The following PDE1C variants were observed in gnomAD, a reference collection of about 807,000 sequenced individuals.
PDE1C encodes dual specificity calcium/calmodulin-dependent 3',5'-cyclic nucleotide phosphodiesterase 1C.
PDE1C carries 62 observed loss-of-function variants against 93.1 expected under a neutral mutation model. The observed-to-expected ratio is 0.67, with a 90% confidence interval of 0.54 to 0.82. The LOEUF (loss-of-function observed/expected upper bound fraction) is 0.82, where lower values mean the gene tolerates loss of function less well. Among genes scored for constraint, PDE1C ranks in the 40% least tolerant of loss-of-function variants. PDE1C has a pLI of 0.00. For synonymous variants in PDE1C, 325 were observed against 310.1 expected (o/e 1.05, Z -0.50); for missense variants, 742 against 884.6 (o/e 0.84, Z 2.04).
At chr7:31,734,069 AC>A in the PDE1C span, among the ~76,000 whole-genome samples, 1 of 151,872 alleles carries the variant, frequency 6.6e-6, no homozygotes, top group Non-Finnish European at 1.5e-5. Context: ...TAATAAAACT[AC>A]CCCTCCCCCA....
intron 1 of PDE1C, among the ~76,000 whole-genome samples, chr7:32,397,856 T>TAAA (rs1410558632): frequency 7.1e-6 from 1 of 141,664 alleles, no homozygotes; most frequent in African/African-American, 2.9e-5. Flanking sequence ...CTACTAAAGA[T>TAAA]ACAAAAAAAA....
chr7:31,848,898 T>G (rs778814423), intron 8 of PDE1C, among the ~76,000 whole-genome samples: 2 of 152,184 alleles, frequency 1.3e-5, no homozygotes, highest in Admixed American at 1.3e-4. Flanking sequence ...TTGGGCTGTA[T>G]CTATCATACC....
the PDE1C span, among the ~76,000 whole-genome samples, chr7:31,681,265 A>G: frequency 6.6e-6 from 1 of 152,154 alleles, no homozygotes. Flanking sequence ...GGACTTTGAA[A>G]TTATGGTGGT....
At chr7:31,719,188 C>T in the PDE1C span, among the ~76,000 whole-genome samples, 3 of 152,174 alleles carry the variant, frequency 2.0e-5, no homozygotes, top group East Asian at 5.8e-4. Flanking sequence ...AGAATGCTTC[C>T]TGAAGGTAGC....
At chr7:32,355,389 T>C (rs1256837793) in intron 1 of PDE1C, among the ~76,000 whole-genome samples, 1 of 152,090 alleles carries the variant, frequency 6.6e-6, no homozygotes, top group Non-Finnish European at 1.5e-5. Flanking sequence ...ACTCCAAACA[T>C]CCACTGCAGC....
intron 2 of PDE1C, among the ~76,000 whole-genome samples, chr7:31,926,409 A>G (rs1471072770): frequency 6.6e-6 from 1 of 152,252 alleles, no homozygotes; most frequent in East Asian, 1.9e-4. Context: ...ATATAAGTGC[A>G]TTAAATATGT....
chr7:31,920,926 C>T (rs1388001459), intron 2 of PDE1C, among the ~76,000 whole-genome samples: 1 of 152,210 alleles, frequency 6.6e-6, no homozygotes, highest in Non-Finnish European at 1.5e-5. Context: ...TGATTTCTTA[C>T]CACCATTCAT....
At chr7:31,619,852 G>A in the PDE1C span, among the ~76,000 whole-genome samples, 1 of 152,166 alleles carries the variant, frequency 6.6e-6, no homozygotes, top group South Asian at 2.1e-4. Flanking sequence ...CCCTTTCCTA[G>A]TCAAAGAAAG....
intron 2 of PDE1C, among the ~76,000 whole-genome samples, chr7:32,020,281 T>G (rs1299033780): frequency 6.6e-6 from 1 of 152,136 alleles, no homozygotes; most frequent in Non-Finnish European, 1.5e-5. Context: ...AGGACTTTCC[T>G]GGGCACTGGG....
At chr7:32,225,019 A>G (rs972360863) in intron 1 of PDE1C, among the ~76,000 whole-genome samples, 129 of 126,882 alleles carry the variant, frequency 1.0e-3, no homozygotes, top group African/African-American at 3.3e-3. Context: ...CACCTTTCTT[A>G]TTTAAAAAAA....
the PDE1C span, among the ~76,000 whole-genome samples, chr7:31,631,595 G>A: frequency 3.9e-5 from 6 of 152,034 alleles, no homozygotes; most frequent in South Asian, 8.3e-4. Context: ...TTACAGAAGC[G>A]GATTTTTCTT....
At chr7:31,778,192 C>T (rs1400647727) in intron 16 of PDE1C, among the ~76,000 whole-genome samples, 1 of 152,168 alleles carries the variant, frequency 6.6e-6, no homozygotes, top group African/African-American at 2.4e-5. Context: ...AGTGCTGCCA[C>T]AATGCACAAC....
At chr7:31,968,436 A>C (rs1314742990) in intron 2 of PDE1C, among the ~76,000 whole-genome samples, 6 of 152,050 alleles carry the variant, frequency 3.9e-5, no homozygotes, top group Admixed American at 3.9e-4. Context: ...AGAACTACAA[A>C]CCACTGCTCA....
intron 2 of PDE1C, among the ~76,000 whole-genome samples, chr7:32,205,800 C>G (rs1033934162): frequency 2.6e-5 from 4 of 152,128 alleles, no homozygotes; most frequent in African/African-American, 7.2e-5. Context: ...GACATGCCAC[C>G]TTTAAGAGCT....
chr7:31,859,454 A>G (rs1223712568), intron 7 of PDE1C, among the ~76,000 whole-genome samples: 1 of 82,018 alleles, frequency 1.2e-5, no homozygotes, highest in East Asian at 2.1e-4. Context: ...CTTTAATAAT[A>G]TAAATAATAT....
intron 2 of PDE1C, among the ~76,000 whole-genome samples, chr7:31,939,152 G>A (rs1280419668): frequency 6.6e-6 from 1 of 152,164 alleles, no homozygotes; most frequent in Non-Finnish European, 1.5e-5. Context: ...ATTTTTTCAA[G>A]TCAGTTGCTA....
chr7:32,147,513 T>C (rs1345843124), intron 3 of PDE1C, among the ~76,000 whole-genome samples: 1 of 152,180 alleles, frequency 6.6e-6, no homozygotes, highest in African/African-American at 2.4e-5. Context: ...CAGGCCTTTT[T>C]TCTGGAGAGT....
intron 2 of PDE1C, among the ~76,000 whole-genome samples, chr7:31,910,244 C>T (rs769370718): frequency 5.3e-5 from 8 of 152,272 alleles, no homozygotes; most frequent in Non-Finnish European, 1.0e-4. Context: ...TCTCTTACTG[C>T]CCTCTCCTCT....
chr7:32,297,379 G>A (rs924526296), intron 1 of PDE1C, among the ~76,000 whole-genome samples: 4 of 152,084 alleles, frequency 2.6e-5, no homozygotes, highest in African/African-American at 4.8e-5. Flanking sequence ...TAAGACCACA[G>A]TACTTTTGGA....
Sources: gnomAD v4.1 joint callset for allele counts (sites outside exome capture counted in the v4.1 genomes callset) on GRCh38, gnomAD v4.1.1 for gene constraint, MANE v1.5 for transcripts, NCBI Gene and HGNC (gene_info 2026-07-23, HGNC 2026-07-21) for gene names.